The following PDZRN4 variants were observed in gnomAD, a reference collection of about 807,000 sequenced individuals.
The protein encoded by PDZRN4 is PDZ domain containing ring finger 4, also known as PDZ domain-containing RING finger protein 4.
Under a neutral mutation model 99.0 loss-of-function variants are expected in PDZRN4, and 70 were observed. The ratio of observed to expected loss-of-function variants is 0.71; its 90% CI spans 0.58 to 0.86. The LOEUF (loss-of-function observed/expected upper bound fraction) is 0.86. Ranked by LOEUF, PDZRN4 falls within the 40% of genes least tolerant of loss-of-function variation. The pLI is 0.00. For missense variants in PDZRN4, 1,474 were observed against 1,331.2 expected (o/e 1.11, Z -1.67); for synonymous variants, 551 against 501.6 (o/e 1.10, Z -1.32).
chr12:41,200,239 G>A (rs568575164), intron 3 of PDZRN4, among the ~76,000 whole-genome samples: 1 of 152,108 alleles, frequency 6.6e-6, no homozygotes, highest in Admixed American at 6.6e-5. Flanking sequence ...CCCTGACTTT[G>A]TGTCACATTG....
chr12:41,547,174 A>G (rs1016796616), intron 5 of PDZRN4, among the ~76,000 whole-genome samples: 1 of 152,020 alleles, frequency 6.6e-6, no homozygotes, highest in Non-Finnish European at 1.5e-5. Flanking sequence ...GGGGGAAAAA[A>G]CCTTCCTGAT....
At chr12:41,535,314 G>A (rs528154684) in intron 5 of PDZRN4, among the ~76,000 whole-genome samples, 2 of 152,224 alleles carry the variant, frequency 1.3e-5, no homozygotes, top group African/African-American at 4.8e-5. Flanking sequence ...TTTGACCTGG[G>A]TTTCTGGTTA....
At chr12:41,528,417 T>G (rs558704733) in intron 5 of PDZRN4, among the ~76,000 whole-genome samples, 4 of 152,322 alleles carry the variant, frequency 2.6e-5, no homozygotes, top group South Asian at 4.1e-4. Context: ...ACAAATGAGA[T>G]TGTGGTTATT....
rs1482330100 is a variant in PDZRN4, at chr12:41,567,721, T to G, written c.1468-62T>G. On this transcript the variant is annotated intron_variant, in intron 8 of 9. Coordinates refer to ENST00000402685, the MANE Select transcript of PDZRN4 (RefSeq NM_001164595.2). ...TCGTCGGGCACCGGCCATTTAAGTTTACTCTATTTTAACATGAGTTCTCAC... is the reference window on the plus strand; with the variant it reads ...TCGTCGGGCACCGGCCATTTAAGTTGACTCTATTTTAACATGAGTTCTCAC... The G allele has an allele frequency of 1.6e-5, 16 of 1,024,000 alleles. No homozygotes were observed. In the East Asian group the frequency reaches 3.9e-4, roughly 25 times the overall value. The allele number at this position is 1,024,000 out of a possible 1,614,324, so 63.4% of individuals were successfully genotyped here.
chr12:41,410,107 A>G (rs1180673945), intron 3 of PDZRN4: 1 of 152,222 alleles, frequency 6.6e-6, no homozygotes, highest in Non-Finnish European at 1.5e-5. Context: ...CCATACCAGC[A>G]TATACACCTC....
intron 3 of PDZRN4, among the ~76,000 whole-genome samples, chr12:41,387,435 A>C (rs1952178433): frequency 6.6e-6 from 1 of 152,178 alleles, no homozygotes; most frequent in Non-Finnish European, 1.5e-5. Flanking sequence ...ATACAAAAAA[A>C]TTAGCCAGGG....
At chr12:41,535,526 A>G (rs1220078202) in intron 5 of PDZRN4, among the ~76,000 whole-genome samples, 1 of 152,222 alleles carries the variant, frequency 6.6e-6, no homozygotes, top group East Asian at 1.9e-4. Flanking sequence ...CACTCAGGCC[A>G]AAATGTATAA....
chr12:41,552,200 C>G (rs965692184), intron 5 of PDZRN4, among the ~76,000 whole-genome samples: 7 of 151,980 alleles, frequency 4.6e-5, no homozygotes, highest in Non-Finnish European at 5.9e-5. Context: ...ATGGAAACAG[C>G]TTGGTATAGT....
chr12:41,550,203 C>T (rs1939028480), intron 5 of PDZRN4, among the ~76,000 whole-genome samples: 1 of 152,076 alleles, frequency 6.6e-6, no homozygotes, highest in African/African-American at 2.4e-5. Context: ...AAAAGAATGT[C>T]CCCCGCTGAA....
intron 5 of PDZRN4, among the ~76,000 whole-genome samples, chr12:41,541,465 T>C (rs998461224): frequency 1.6e-5 from 2 of 126,608 alleles, no homozygotes; most frequent in African/African-American, 7.1e-5. Flanking sequence ...TTTTTTTTTT[T>C]TGAGACGGAG....
chr12:41,258,475 G>T (rs1951217519), intron 3 of PDZRN4, among the ~76,000 whole-genome samples: 1 of 152,046 alleles, frequency 6.6e-6, no homozygotes, highest in African/African-American at 2.4e-5. Flanking sequence ...TGTTTGTATA[G>T]ATTAGCTTTA....
rs925496622 is a variant in PDZRN4, at chr12:41,572,743, A to G, written c.1964A>G (p.Asn655Ser). 2.5e-6 allele frequency: 4 copies of G among 1,614,178 alleles called. No individual in the cohort carries two copies. Among genetic ancestry groups the G allele is most frequent in the Non-Finnish European group, 2.5e-6 (3 of 1,180,014 alleles). The change falls in exon 10 of 10, where the codon AAT (asparagine) becomes AGT (serine). Residue 655 changes from asparagine (N) to serine (S), a missense_variant. Asn to Ser is a conservative substitution (Grantham distance 46). Coordinates refer to ENST00000402685, the MANE Select transcript of PDZRN4 (RefSeq NM_001164595.2). Reference sequence around the variant, plus strand: ...TACTCAAGCAGCACAATTGAATGCAATCAAGGGGAGCAAGAGGGAGTGGAG... The same window carrying G: ...TACTCAAGCAGCACAATTGAATGCAGTCAAGGGGAGCAAGAGGGAGTGGAG... Reference protein sequence around the residue: ...LYYSSSTIECNQGEQEGVEHE... With the variant: ...LYYSSSTIECSQGEQEGVEHE...
At chr12:41,405,748 C>A (rs552300004) in intron 3 of PDZRN4, among the ~76,000 whole-genome samples, 2 of 152,208 alleles carry the variant, frequency 1.3e-5, no homozygotes, top group South Asian at 4.2e-4. Flanking sequence ...ACCTATACAC[C>A]ATGGAATACT....
chr12:41,572,388 G>A lies in PDZRN4; in HGVS notation c.1609G>A (p.Gly537Ser). The A allele has an allele frequency of 6.2e-7, 1 of 1,609,742 alleles. No individual in the cohort carries two copies. The change falls in exon 10 of 10, where the codon GGC becomes AGC. Residue 537 changes from glycine to serine, a missense_variant. Physicochemically the swap from Gly to Ser is moderately conservative, Grantham distance 56 (BLOSUM62 0). Transcript: ENST00000402685. The stretch of plus-strand genomic sequence containing the variant: ...GCCAAAAAAGCAAGAAGAAGAAGAA[G>A]GCACAACAGACACTGCAACATCCTC... ...EQPKKQEEEE[G>S]TTDTATSSSN...
intron 3 of PDZRN4, among the ~76,000 whole-genome samples, chr12:41,453,294 A>G (rs1459615209): frequency 2.0e-5 from 3 of 152,146 alleles, no homozygotes; most frequent in African/African-American, 7.2e-5. Context: ...ATGCAGACAT[A>G]ATTTCTAAGC....
intron 3 of PDZRN4, among the ~76,000 whole-genome samples, chr12:41,194,517 T>C (rs1206026781): frequency 6.6e-6 from 1 of 152,062 alleles, no homozygotes; most frequent in Non-Finnish European, 1.5e-5. Context: ...GGCACATACC[T>C]ATGGTCCCAG....
chr12:41,388,830 T>A (rs564105724), intron 3 of PDZRN4, among the ~76,000 whole-genome samples: 1 of 152,310 alleles, frequency 6.6e-6, no homozygotes, highest in Non-Finnish European at 1.5e-5. Context: ...TACCTTCAAA[T>A]ATTAGGTATC....
intron 3 of PDZRN4, among the ~76,000 whole-genome samples, chr12:41,306,589 T>C (rs1951571239): frequency 6.6e-6 from 1 of 152,184 alleles, no homozygotes; most frequent in Non-Finnish European, 1.5e-5. Context: ...AACCTTACTG[T>C]TCTTTTCTGA....
intron 3 of PDZRN4, among the ~76,000 whole-genome samples, chr12:41,203,469 G>C (rs1164060550): frequency 6.6e-6 from 1 of 152,050 alleles, no homozygotes; most frequent in Non-Finnish European, 1.5e-5. Flanking sequence ...GGACTTGTGT[G>C]TCTTGCTTGG....
Sources: allele counts gnomAD v4.1 joint callset (sites outside exome capture counted in the v4.1 genomes callset), GRCh38; gene constraint gnomAD v4.1.1; transcripts MANE v1.5; gene names NCBI Gene and HGNC (gene_info 2026-07-23, HGNC 2026-07-21).